Variants in SUMF1 observed in about 807,000 individuals in gnomAD.
SUMF1 encodes sulfatase modifying factor 1, also known as formylglycine-generating enzyme.
SUMF1 carries 48 observed loss-of-function variants against 47.6 expected under a neutral mutation model. The observed-to-expected ratio is 1.01, with a 90% confidence interval of 0.80 to 1.28. The LOEUF (loss-of-function observed/expected upper bound fraction) is 1.28, where lower values mean the gene tolerates loss of function less well. Among genes scored for constraint, SUMF1 ranks in the 50% most tolerant of loss-of-function variants. The pLI is 0.00. For missense variants in SUMF1, 571 were observed against 485.4 expected (o/e 1.18, Z -1.66); for synonymous variants, 230 against 192.1 (o/e 1.20, Z -1.63).
chr3:4,148,599 C>A (rs532582882), intron 8 of SUMF1, among the ~76,000 whole-genome samples: 2 of 152,248 alleles, frequency 1.3e-5, no homozygotes, highest in South Asian at 2.1e-4. Context: ...TTAGCCTTTG[C>A]AAGCCATGCA....
At chr3:4,045,060 C>T (rs945870607) in intron 9 of SUMF1, among the ~76,000 whole-genome samples, 6 of 152,166 alleles carry the variant, frequency 3.9e-5, no homozygotes, top group Non-Finnish European at 5.9e-5. Flanking sequence ...AGCTAGGCTG[C>T]AATCCTTATT....
rs533663318 is a variant in SUMF1 at position 4,073,776 on chromosome 3, C to T, written c.1015-5031G>A. 2.3e-3 allele frequency among the ~76,000 whole-genome samples: 348 copies of T among 152,226 alleles called. 2 individuals are homozygous for T. The highest frequency in any genetic ancestry group is 8.2e-3 in the African/African-American group (340 of 41,518). On this transcript the variant is annotated intron_variant and NMD_transcript_variant, in intron 8 of 12. Coordinates refer to the SUMF1 transcript ENST00000448413. ...TATAATGGTAAAGGGATCAATTCAA[C>T]AAGAAGAGCTAACTATCCTAAATAT...
At chr3:4,368,651 C>G (rs1404922856) in intron 8 of SUMF1, among the ~76,000 whole-genome samples, 1 of 152,152 alleles carries the variant, frequency 6.6e-6, no homozygotes, top group African/African-American at 2.4e-5. Flanking sequence ...GGAAGAGTAT[C>G]ACGACTCATG....
intron 8 of SUMF1, among the ~76,000 whole-genome samples, chr3:4,374,997 T>C (rs2124835262): frequency 6.6e-6 from 1 of 151,658 alleles, no homozygotes; most frequent in South Asian, 2.1e-4. Flanking sequence ...ACCCCATCTC[T>C]AAAAAAAATT....
intron 1 of SUMF1, among the ~76,000 whole-genome samples, chr3:4,453,694 C>T (rs180898989): frequency 4.6e-5 from 7 of 152,060 alleles, no homozygotes; most frequent in African/African-American, 1.2e-4. Context: ...CCACCATGCC[C>T]GGCTAATTTT....
intron 8 of SUMF1, among the ~76,000 whole-genome samples, chr3:4,128,900 T>C (rs141823144): frequency 0.02 from 3,039 of 152,124 alleles, 120 homozygotes; most frequent in African/African-American, 0.069. Flanking sequence ...AAGGTTCTAA[T>C]AGTTTATTTG....
Position 4,449,327 on chromosome 3 carries a change from C to A in SUMF1, c.458G>T (p.Gly153Val). ...CATGCCTTCAAAGACAAAGGAGTCG[C>A]CAAACTTCTCAGCCTATAAGGAAGG... is the stretch of plus-strand genomic sequence containing the variant. ...TGYLTEAEKF[G>V]DSFVFEGMLS... Residue 153 changes from glycine to valine, a missense_variant, in exon 3 of 9, where the codon GGC (glycine) becomes GTC (valine). By Grantham distance (109) the Gly-to-Val change is moderately radical. Coordinates refer to ENST00000272902, the MANE Select transcript of SUMF1 (RefSeq NM_182760.4). 1 of 1,614,102 alleles carries A rather than the reference C, an allele frequency of 6.2e-7. No homozygotes were observed. Among genetic ancestry groups the A allele is most frequent in the East Asian group, 2.2e-5 (1 of 44,874 alleles).
intron 8 of SUMF1, among the ~76,000 whole-genome samples, chr3:4,354,802 C>T (rs1699582258): frequency 6.6e-6 from 1 of 152,184 alleles, no homozygotes; most frequent in South Asian, 2.1e-4. Context: ...ATATTTATAA[C>T]AGGAACAAGT....
chr3:4,177,711 G>C (rs1284643193), intron 8 of SUMF1, among the ~76,000 whole-genome samples: 3 of 151,984 alleles, frequency 2.0e-5, no homozygotes, highest in African/African-American at 7.2e-5. Context: ...GAAGGAGATA[G>C]AGACACAAAA....
chr3:4,191,758 G>C (rs1695319318), intron 8 of SUMF1, among the ~76,000 whole-genome samples: 1 of 152,026 alleles, frequency 6.6e-6, no homozygotes, highest in East Asian at 1.9e-4. Flanking sequence ...CATCAGGATA[G>C]GAAAGACAAA....
intron 8 of SUMF1, chr3:4,317,535 A>G: frequency 4.8e-6 from 1 of 207,432 alleles, no homozygotes; most frequent in Non-Finnish European, 9.8e-6. Flanking sequence ...TAATTTTTTA[A>G]AAAAAGATTA....
intron 8 of SUMF1, among the ~76,000 whole-genome samples, chr3:4,310,501 C>CG (rs1698361615): frequency 2.0e-5 from 3 of 152,048 alleles, no homozygotes. Flanking sequence ...ATATCCATCA[C>CG]GGGGAAAAAA....
intron 8 of SUMF1, among the ~76,000 whole-genome samples, chr3:4,266,412 G>C (rs1164911473): frequency 6.6e-6 from 1 of 152,112 alleles, no homozygotes; most frequent in Non-Finnish European, 1.5e-5. Flanking sequence ...TCATTGAGCA[G>C]TGGTTTGTAG....
At chr3:4,251,955 T>C (rs1696811775) in intron 8 of SUMF1, among the ~76,000 whole-genome samples, 1 of 152,208 alleles carries the variant, frequency 6.6e-6, no homozygotes, top group South Asian at 2.1e-4. Flanking sequence ...ACATAAATTC[T>C]ATATGCACGG....
At chr3:4,132,364 A>G (rs1264883076) in intron 8 of SUMF1, among the ~76,000 whole-genome samples, 1 of 152,114 alleles carries the variant, frequency 6.6e-6, no homozygotes, top group African/African-American at 2.4e-5. Context: ...AGATTGATAG[A>G]ACAGTGGAAT....
intron 3 of SUMF1, among the ~76,000 whole-genome samples, chr3:4,428,132 T>C (rs1215136702): frequency 1.3e-5 from 2 of 152,166 alleles, no homozygotes; most frequent in African/African-American, 4.8e-5. Flanking sequence ...AAAAATTATA[T>C]GCTGAAAAAA....
chr3:4,367,161 G>C (rs1380689249), intron 8 of SUMF1, among the ~76,000 whole-genome samples: 1 of 152,108 alleles, frequency 6.6e-6, no homozygotes, highest in Non-Finnish European at 1.5e-5. Flanking sequence ...GCTGCTCGGG[G>C]GTCAGGGGTC....
chr3:4,343,369 A>G (rs1370619686), intron 8 of SUMF1, among the ~76,000 whole-genome samples: 1 of 152,242 alleles, frequency 6.6e-6, no homozygotes, highest in Admixed American at 6.5e-5. Flanking sequence ...CACAGTTAAG[A>G]GGTCACTGTA....
chr3:4,398,680 G>A (rs2124962094), intron 7 of SUMF1, among the ~76,000 whole-genome samples: 1 of 152,224 alleles, frequency 6.6e-6, no homozygotes, highest in Non-Finnish European at 1.5e-5. Flanking sequence ...AAGGTAAGAA[G>A]GACAAGAAAC....
Sources: gnomAD v4.1 joint callset for allele counts (sites outside exome capture counted in the v4.1 genomes callset) on GRCh38, gnomAD v4.1.1 for gene constraint, MANE v1.5 for transcripts, NCBI Gene and HGNC (gene_info 2026-07-23, HGNC 2026-07-21) for gene names.